OR10J1: variants seen among roughly 807,000 people sequenced by gnomAD.
OR10J1 encodes the protein olfactory receptor family 10 subfamily J member 1.
For synonymous variants in OR10J1, 202 were observed against 143.8 expected, an observed-to-expected ratio of 1.40 and a Z score of -2.89; for missense variants, 474 against 376.6, an observed-to-expected ratio of 1.26 and a Z score of -2.14.
the OR10J1 span, among the ~76,000 whole-genome samples, chr1:159,411,018 T>A: frequency 5.9e-5 from 9 of 152,102 alleles, no homozygotes; most frequent in East Asian, 3.9e-4. Context: ...TTTGAGTGAG[T>A]TTCTTAATCC....
chr1:159,440,333 G>A lies in OR10J1; in HGVS notation c.542G>A (p.Arg181His), dbSNP rs760810730. 2.6e-5 allele frequency: 42 copies of A among 1,614,106 alleles called. No homozygotes were observed. The highest frequency in any genetic ancestry group is 2.5e-4 in the African/African-American group (19 of 75,016). ...GTGCCCCACTTCTTCTGTGACATCC[G>A]CCCTGTGATGAAGCTCTCCTGCATT... ...RKVPHFFCDIRPVMKLSCIDT... is the reference protein window; with the variant it reads ...RKVPHFFCDIHPVMKLSCIDT... The change falls in exon 1 of 1, where the codon CGC (arginine) becomes CAC (histidine). Residue 181 changes from arginine to histidine, a missense_variant. Physicochemically the swap from Arg to His is conservative, Grantham distance 29. Coordinates refer to ENST00000423932, the MANE Select transcript of OR10J1 (RefSeq NM_012351.3).
At chr1:159,434,061 G>A (rs533753220), upstream of OR10J1, among the ~76,000 whole-genome samples, 1 of 152,150 alleles carries the variant, frequency 6.6e-6, no homozygotes, top group South Asian at 2.1e-4. Flanking sequence ...ATCCTAGATA[G>A]TAGTCATTAT....
chr1:159,427,701 G>A, the OR10J1 span, among the ~76,000 whole-genome samples: 1 of 151,978 alleles, frequency 6.6e-6, no homozygotes. Flanking sequence ...ATGCTCAGAG[G>A]ATAGAAAGGT....
At chr1:159,408,060 T>C in the OR10J1 span, among the ~76,000 whole-genome samples, 21 of 151,880 alleles carry the variant, frequency 1.4e-4, no homozygotes, top group Non-Finnish European at 2.2e-4. Context: ...TCCAAGATAG[T>C]AAAGGAAAAG....
chr1:159,407,927 T>C, the OR10J1 span, among the ~76,000 whole-genome samples: 1 of 151,944 alleles, frequency 6.6e-6, no homozygotes, highest in Non-Finnish European at 1.5e-5. Context: ...GAAAGGTAAA[T>C]GGGAGTAACA....
chr1:159,421,074 T>C, the OR10J1 span, among the ~76,000 whole-genome samples: 1 of 152,168 alleles, frequency 6.6e-6, no homozygotes, highest in African/African-American at 2.4e-5. Flanking sequence ...ATATGTCAGA[T>C]AGGCTTTGTA....
the OR10J1 span, among the ~76,000 whole-genome samples, chr1:159,411,795 G>A: frequency 1.3e-5 from 2 of 151,956 alleles, no homozygotes; most frequent in Non-Finnish European, 2.9e-5. Context: ...TCCTAGCCTC[G>A]ATGGTCTTTA....
chr1:159,398,052 AAG>A, the OR10J1 span, among the ~76,000 whole-genome samples: 1 of 152,214 alleles, frequency 6.6e-6, no homozygotes, highest in Non-Finnish European at 1.5e-5. Flanking sequence ...AGAAAAGAGA[AAG>A]AGACTCTGTA....
At position 159,440,128 on chromosome 1, in the gene OR10J1, T is replaced by G. The variant is rs1655885613; in HGVS notation, c.337T>G (p.Phe113Val). Residue 113 changes from phenylalanine (F) to valine (V), a missense_variant, in exon 1 of 1, where the codon TTC becomes GTC. Transcript: ENST00000423932. The part of the protein sequence containing the change: ...FFVTFGITNC[F>V]LLTAMGYDRY... ...TGTAACCTTTGGCATCACTAACTGC[T>G]TCCTGCTCACAGCAATGGGATATGA... The G allele has an allele frequency of 3.7e-6, 6 of 1,614,188 alleles. No individual in the cohort carries two copies. The highest frequency in any genetic ancestry group is 5.1e-6 in the Non-Finnish European group (6 of 1,180,022).
chr1:159,438,181 T>C (rs1014828366), upstream of OR10J1: 1 of 152,348 alleles, frequency 6.6e-6, no homozygotes, highest in East Asian at 1.9e-4. Context: ...CCATTTCCTT[T>C]GAAGAATTAT....
chr1:159,422,843 C>T, the OR10J1 span, among the ~76,000 whole-genome samples: 12 of 152,092 alleles, frequency 7.9e-5, no homozygotes, highest in Admixed American at 1.3e-4. Flanking sequence ...GGGCTTTTCG[C>T]TTACTCTTTC....
At chr1:159,423,623 G>A in the OR10J1 span, among the ~76,000 whole-genome samples, 1 of 152,194 alleles carries the variant, frequency 6.6e-6, no homozygotes, top group African/African-American at 2.4e-5. Context: ...GAAGTGCAGT[G>A]TAGACAATGA....
chr1:159,409,938 T>C, the OR10J1 span, among the ~76,000 whole-genome samples: 1 of 152,150 alleles, frequency 6.6e-6, no homozygotes, highest in Non-Finnish European at 1.5e-5. Flanking sequence ...AGGCCTTTTC[T>C]GCATCTATTG....
chr1:159,416,812 G>GGTGAT, the OR10J1 span, among the ~76,000 whole-genome samples: 1 of 151,950 alleles, frequency 6.6e-6, no homozygotes, highest in African/African-American at 2.4e-5. Flanking sequence ...AGTCTTGGTA[G>GGTGAT]GTGATATGAG....
the OR10J1 span, chr1:159,432,328 G>T: frequency 2.5e-6 from 1 of 401,250 alleles, no homozygotes; most frequent in Non-Finnish European, 4.4e-6. Flanking sequence ...ACCCTTGCCA[G>T]CAATGCTATC....
chr1:159,436,986 C>G (rs186023728), upstream of OR10J1, among the ~76,000 whole-genome samples: 5 of 152,302 alleles, frequency 3.3e-5, no homozygotes, highest in Admixed American at 3.3e-4. Flanking sequence ...TTTCCAGCAA[C>G]TAGCACAGGG....
the OR10J1 span, among the ~76,000 whole-genome samples, chr1:159,398,042 A>C: frequency 2.0e-5 from 3 of 152,242 alleles, no homozygotes; most frequent in Admixed American, 6.5e-5. Flanking sequence ...TAGGTGGCTC[A>C]GAAAAGAGAA....
the OR10J1 span, among the ~76,000 whole-genome samples, chr1:159,426,260 G>A: frequency 6.6e-6 from 1 of 151,668 alleles, no homozygotes; most frequent in Non-Finnish European, 1.5e-5. Flanking sequence ...GAAACACAGA[G>A]GCTCTCAGAC....
chr1:159,430,668 T>TGTGTGTGTGTGTGC, the OR10J1 span, among the ~76,000 whole-genome samples: 1,670 of 69,566 alleles, frequency 0.024, 17 homozygotes, highest in Non-Finnish European at 0.049. Context: ...TGTGTGTGTG[T>TGTGTGTGTGTGTGC]GCGCGCGCGC....
Sources: allele counts gnomAD v4.1 joint callset (sites outside exome capture counted in the v4.1 genomes callset), GRCh38; gene constraint gnomAD v4.1.1; transcripts MANE v1.5; gene names NCBI Gene and HGNC (gene_info 2026-07-23, HGNC 2026-07-21).